The following FSTL5 variants were observed in gnomAD, a reference collection of about 807,000 sequenced individuals.
FSTL5 encodes follistatin like 5.
FSTL5 carries 62 observed loss-of-function variants against 89.1 expected under a neutral mutation model. That is an observed-to-expected ratio of 0.70 (90% CI 0.57 to 0.86). The LOEUF (loss-of-function observed/expected upper bound fraction) is 0.86, where lower values mean the gene tolerates loss of function less well. Ranked by LOEUF, FSTL5 falls within the 40% of genes least tolerant of loss-of-function variation. The pLI, the probability that FSTL5 is intolerant of heterozygous loss-of-function variation, is 0.00. For synonymous variants in FSTL5, 383 were observed against 346.2 expected, an observed-to-expected ratio of 1.11 and a Z score of -1.18; for missense variants, 1,057 against 1,001.6, an observed-to-expected ratio of 1.06 and a Z score of -0.75.
At chr4:161,514,645 A>G (rs1293794541) in intron 10 of FSTL5, among the ~76,000 whole-genome samples, 2 of 152,176 alleles carry the variant, frequency 1.3e-5, no homozygotes, top group African/African-American at 4.8e-5. Context: ...TAAATGGAGA[A>G]TCAAAATATT....
intron 1 of FSTL5, among the ~76,000 whole-genome samples, chr4:162,122,656 AAAGTT>A (rs1443453643): frequency 1.3e-5 from 2 of 152,230 alleles, no homozygotes; most frequent in African/African-American, 4.8e-5. Context: ...ATATAAGCTG[AAAGTT>A]AAGAAAACAT....
chr4:161,834,442 T>C (rs1730963519), intron 4 of FSTL5, among the ~76,000 whole-genome samples: 1 of 152,130 alleles, frequency 6.6e-6, no homozygotes, highest in African/African-American at 2.4e-5. Flanking sequence ...GTGTTGGAAG[T>C]TCTGGCCAGG....
chr4:162,141,249 TG>T (rs1438613099), intron 1 of FSTL5, among the ~76,000 whole-genome samples: 1 of 96,596 alleles, frequency 1.0e-5, no homozygotes, highest in Admixed American at 1.1e-4. Context: ...CCCGTGTAGC[TG>T]GGACTACAGG....
rs1731438434 is a variant in FSTL5 at position 161,532,279 on chromosome 4, A to C, written c.1312+5887T>G. Among the ~76,000 whole-genome samples, 2 of 152,170 alleles carry C rather than the reference A, an allele frequency of 1.3e-5. 1 individual carries two copies. Among genetic ancestry groups the C allele is most frequent in the South Asian group, 4.1e-4 (2 of 4,832 alleles). On this transcript the variant is annotated intron_variant, in intron 10 of 15. Transcript: ENST00000306100. Reference sequence around the variant, plus strand: ...CTACTTTATGTCTTGCACTATGACAAGTGCTTTATACGTAAGATCGAAACA... The same window carrying C: ...CTACTTTATGTCTTGCACTATGACACGTGCTTTATACGTAAGATCGAAACA...
At chr4:161,985,300 T>C (rs763141493) in intron 3 of FSTL5, among the ~76,000 whole-genome samples, 5 of 152,154 alleles carry the variant, frequency 3.3e-5, no homozygotes, top group Non-Finnish European at 7.4e-5. Context: ...ACATTCTTCA[T>C]GAAACTTCAT....
chr4:161,963,777 T>G (rs149191575), intron 3 of FSTL5, among the ~76,000 whole-genome samples: 1 of 151,968 alleles, frequency 6.6e-6, no homozygotes, highest in African/African-American at 2.4e-5. Flanking sequence ...TATGACACTA[T>G]GCTGTGCCAA....
At chr4:161,458,702 C>G (rs894249539) in intron 14 of FSTL5, among the ~76,000 whole-genome samples, 1 of 152,134 alleles carries the variant, frequency 6.6e-6, no homozygotes, top group African/African-American at 2.4e-5. Flanking sequence ...AGGGTCATGA[C>G]CAAAATGCAG....
chr4:161,837,531 T>C (rs1439651956), intron 4 of FSTL5, among the ~76,000 whole-genome samples: 2 of 151,946 alleles, frequency 1.3e-5, no homozygotes, highest in Admixed American at 6.6e-5. Context: ...GGTGAAAAAA[T>C]AGCAAGAAAT....
chr4:161,777,136 T>C (rs1045481370), intron 4 of FSTL5, among the ~76,000 whole-genome samples: 1 of 151,958 alleles, frequency 6.6e-6, no homozygotes. Context: ...GATATTTGTC[T>C]TTCTATGCCT....
intron 8 of FSTL5, among the ~76,000 whole-genome samples, chr4:161,567,732 G>A (rs1732867496): frequency 6.6e-6 from 1 of 151,964 alleles, no homozygotes; most frequent in African/African-American, 2.4e-5. Flanking sequence ...GTCAATCATA[G>A]GTGAATAAAA....
chr4:161,718,506 G>A (rs777171901), intron 6 of FSTL5, among the ~76,000 whole-genome samples: 17 of 151,826 alleles, frequency 1.1e-4, no homozygotes, highest in Admixed American at 1.1e-3. Flanking sequence ...TCAGCTCACT[G>A]CAACCTCCGC....
chr4:161,848,004 C>T (rs1335389031), intron 4 of FSTL5, among the ~76,000 whole-genome samples: 1 of 135,232 alleles, frequency 7.4e-6, no homozygotes, highest in Non-Finnish European at 1.5e-5. Context: ...CCACTGCACT[C>T]CAGCCTGGGT....
At chr4:161,985,610 T>C (rs1041202110) in intron 3 of FSTL5, among the ~76,000 whole-genome samples, 76 of 151,994 alleles carry the variant, frequency 5.0e-4, no homozygotes, top group Admixed American at 1.2e-3. Context: ...TATTTAAATA[T>C]CCATGCACTT....
rs546736459 is a variant in FSTL5, at chr4:162,003,713, T to C, written c.160+29912A>G. Among the ~76,000 whole-genome samples the C allele has an allele frequency of 9.8e-5, 15 of 152,324 alleles. No homozygotes were observed. The South Asian group carries it at 2.7e-3, about 27-fold the overall frequency. On this transcript the variant is annotated intron_variant, in intron 3 of 15. Coordinates refer to ENST00000306100, the MANE Select transcript of FSTL5 (RefSeq NM_020116.5). ...ATTGTAAATGTGTATGTAAATATAATAGGTGGCATAAATGTAATATCTTTA... is the reference window on the plus strand; with the variant it reads ...ATTGTAAATGTGTATGTAAATATAACAGGTGGCATAAATGTAATATCTTTA...
chr4:161,633,105 G>A (rs1735555577), intron 7 of FSTL5, among the ~76,000 whole-genome samples: 1 of 151,604 alleles, frequency 6.6e-6, no homozygotes, highest in African/African-American at 2.4e-5. Context: ...TCTAAAATAG[G>A]TATTTCATAG....
At chr4:161,996,043 G>T (rs991757129) in intron 3 of FSTL5, among the ~76,000 whole-genome samples, 7 of 152,078 alleles carry the variant, frequency 4.6e-5, no homozygotes, top group Admixed American at 6.6e-5. Context: ...ATTTACTAAG[G>T]CCCAGACAAA....
chr4:161,784,601 A>G (rs1404493847), intron 4 of FSTL5, among the ~76,000 whole-genome samples: 1 of 152,136 alleles, frequency 6.6e-6, no homozygotes, highest in African/African-American at 2.4e-5. Flanking sequence ...TATAGAAGAT[A>G]TGCTATCCAC....
chr4:161,445,550 G>A (rs559032743), intron 15 of FSTL5, among the ~76,000 whole-genome samples: 1 of 151,740 alleles, frequency 6.6e-6, no homozygotes, highest in Non-Finnish European at 1.5e-5. Flanking sequence ...CAAATATTAC[G>A]ATAGTCCAAA....
intron 2 of FSTL5, among the ~76,000 whole-genome samples, chr4:162,051,885 A>G (rs766732694): frequency 5.3e-5 from 8 of 151,630 alleles, no homozygotes; most frequent in African/African-American, 1.2e-4. Context: ...TATAGAATAG[A>G]AACTATTCAT....
Sources: allele counts gnomAD v4.1 joint callset (sites outside exome capture counted in the v4.1 genomes callset), GRCh38; gene constraint gnomAD v4.1.1; transcripts MANE v1.5; gene names NCBI Gene and HGNC (gene_info 2026-07-23, HGNC 2026-07-21).